Variants in CSMD1 observed in about 807,000 individuals in gnomAD.
The protein encoded by CSMD1 is CUB and sushi domain-containing protein 1.
In CSMD1, 213 loss-of-function variants were observed where a neutral mutation model predicts 417.5. The ratio of observed to expected loss-of-function variants is 0.51; its 90% CI spans 0.46 to 0.57. CSMD1 has a LOEUF of 0.57. CSMD1 is among the 20% of genes least tolerant of loss of function. CSMD1 has a pLI of 0.00. For missense variants in CSMD1, 6,923 were observed against 4,529.7 expected, an observed-to-expected ratio of 1.53 and a Z score of -15.17; for synonymous variants, 2,862 against 1,736.8, an observed-to-expected ratio of 1.65 and a Z score of -16.11.
intron 37 of CSMD1, among the ~76,000 whole-genome samples, chr8:3,178,381 G>C (rs567383496): frequency 8.6e-5 from 13 of 151,764 alleles, no homozygotes; most frequent in South Asian, 2.1e-4. Context: ...CCTCAGTATG[G>C]ACTCACAAGC....
chr8:4,771,309 A>C (rs754005206), intron 1 of CSMD1, among the ~76,000 whole-genome samples: 5 of 152,226 alleles, frequency 3.3e-5, no homozygotes. Flanking sequence ...AATTGTATTA[A>C]AGTTTCTCCC....
At chr8:3,168,374 G>C (rs371491274) in intron 37 of CSMD1, among the ~76,000 whole-genome samples, 1 of 152,032 alleles carries the variant, frequency 6.6e-6, no homozygotes, top group African/African-American at 2.4e-5. Flanking sequence ...TTCTAGATGC[G>C]CACAGGTATG....
chr8:4,587,504 T>C (rs1799767719), intron 2 of CSMD1, among the ~76,000 whole-genome samples: 1 of 152,056 alleles, frequency 6.6e-6, no homozygotes, highest in Non-Finnish European at 1.5e-5. Flanking sequence ...TATATATATA[T>C]GCACACATGA....
intron 5 of CSMD1, among the ~76,000 whole-genome samples, chr8:3,959,022 G>T (rs1487229293): frequency 6.6e-6 from 1 of 152,062 alleles, no homozygotes; most frequent in Non-Finnish European, 1.5e-5. Context: ...ACTCTGCGGC[G>T]GCTTCTCCAT....
chr8:4,238,354 C>T (rs1374830306), intron 3 of CSMD1, among the ~76,000 whole-genome samples: 2 of 152,192 alleles, frequency 1.3e-5, no homozygotes, highest in Non-Finnish European at 2.9e-5. Flanking sequence ...CAGCTCCCAG[C>T]AAGGACTGGG....
intron 18 of CSMD1, among the ~76,000 whole-genome samples, chr8:3,384,693 A>T (rs796194373): frequency 8.6e-6 from 1 of 116,684 alleles, no homozygotes; most frequent in Non-Finnish European, 1.7e-5. Context: ...ATATATATTT[A>T]TATAAATTAT....
chr8:4,006,840 T>TTTG (rs1816158753), intron 4 of CSMD1, among the ~76,000 whole-genome samples: 2 of 145,760 alleles, frequency 1.4e-5, no homozygotes, highest in Non-Finnish European at 3.0e-5. Flanking sequence ...TTTTTTTTTT[T>TTTG]TTTTTGAGAT....
At chr8:3,232,381 A>T (rs1421084631) in intron 26 of CSMD1, among the ~76,000 whole-genome samples, 2 of 152,098 alleles carry the variant, frequency 1.3e-5, no homozygotes, top group African/African-American at 2.4e-5. Flanking sequence ...TGCTTGTATT[A>T]TGTTTTTGGG....
chr8:4,088,643 C>T (rs1432062895), intron 3 of CSMD1, among the ~76,000 whole-genome samples: 1 of 152,134 alleles, frequency 6.6e-6, no homozygotes. Flanking sequence ...GAGTAAAGCC[C>T]AAAGTCATTG....
At chr8:4,824,825 C>G (rs73181561) in intron 1 of CSMD1, among the ~76,000 whole-genome samples, 3 of 151,986 alleles carry the variant, frequency 2.0e-5, no homozygotes, top group Non-Finnish European at 2.9e-5. Flanking sequence ...AGGTATATAG[C>G]CTATATTTAA....
intron 10 of CSMD1, among the ~76,000 whole-genome samples, chr8:3,508,057 G>C (rs1040445737): frequency 6.6e-6 from 1 of 152,054 alleles, no homozygotes; most frequent in Non-Finnish European, 1.5e-5. Context: ...ATTGCTTTTG[G>C]TGTTTTAGAC....
At chr8:3,187,077 C>G (rs1796094854) in intron 36 of CSMD1, among the ~76,000 whole-genome samples, 2 of 152,166 alleles carry the variant, frequency 1.3e-5, no homozygotes, top group Admixed American at 6.5e-5. Flanking sequence ...TTCATGTTAA[C>G]AGAAGTTCAT....
In CSMD1 at chr8:3,041,845, C is replaced by A. The variant is rs574477661; in HGVS notation, c.7660+10617G>T. 1.3e-4 allele frequency among the ~76,000 whole-genome samples: 20 copies of A among 152,344 alleles called. No homozygotes were observed. The South Asian group carries it at 3.5e-3, about 27-fold the overall frequency. ...CGGTAAACCCCATGTAGCCGACAGT[C>A]TGTGGGTGTAAAGTGCTTTAAAGCA... is the stretch of plus-strand genomic sequence containing the variant. On this transcript the variant is annotated intron_variant, in intron 50 of 69. Transcript: ENST00000635120.
intron 5 of CSMD1, among the ~76,000 whole-genome samples, chr8:3,909,483 T>G (rs915987968): frequency 6.6e-6 from 1 of 152,040 alleles, no homozygotes; most frequent in African/African-American, 2.4e-5. Flanking sequence ...TGCGGAAATA[T>G]CCAGAGAGCT....
intron 48 of CSMD1, among the ~76,000 whole-genome samples, chr8:3,090,295 C>G (rs558828021): frequency 9.0e-6 from 1 of 111,334 alleles, no homozygotes; most frequent in African/African-American, 3.5e-5. Context: ...CCAGCCTGGG[C>G]AACAGAGCCA....
intron 2 of CSMD1, among the ~76,000 whole-genome samples, chr8:4,542,806 T>A (rs779874742): frequency 1.3e-5 from 2 of 152,150 alleles, no homozygotes; most frequent in Non-Finnish European, 2.9e-5. Flanking sequence ...TCAAGAAATA[T>A]AACATGATTA....
intron 10 of CSMD1, among the ~76,000 whole-genome samples, chr8:3,496,183 T>A (rs1395145099): frequency 3.9e-5 from 6 of 152,222 alleles, no homozygotes; most frequent in Non-Finnish European, 8.8e-5. Context: ...CCTGCCATTT[T>A]TCTTAAGTGC....
At chr8:3,859,618 G>A (rs1207831500) in intron 5 of CSMD1, among the ~76,000 whole-genome samples, 1 of 152,148 alleles carries the variant, frequency 6.6e-6, no homozygotes, top group Admixed American at 6.6e-5. Context: ...TATGGTGGGA[G>A]CTTTGGTTTA....
At chr8:3,044,001 C>T (rs1210412728) in intron 50 of CSMD1, among the ~76,000 whole-genome samples, 2 of 152,076 alleles carry the variant, frequency 1.3e-5, no homozygotes, top group Admixed American at 1.3e-4. Flanking sequence ...ATGTCTACTT[C>T]AGGGGAAAAA....
Sources: allele counts gnomAD v4.1 joint callset (sites outside exome capture counted in the v4.1 genomes callset), GRCh38; gene constraint gnomAD v4.1.1; transcripts MANE v1.5; gene names NCBI Gene and HGNC (gene_info 2026-07-23, HGNC 2026-07-21).